Variants in EXOC4 observed in about 807,000 individuals in gnomAD.
EXOC4 encodes exocyst complex component 4, also known as SEC8-like 1.
A neutral mutation model predicts 107.2 loss-of-function variants in EXOC4; 71 were observed. That is an observed-to-expected ratio of 0.66 (90% CI 0.55 to 0.81). The LOEUF (loss-of-function observed/expected upper bound fraction) is 0.81, where lower values mean the gene tolerates loss of function less well. Among genes scored for constraint, EXOC4 ranks in the 30% least tolerant of loss-of-function variants. The pLI, the probability that EXOC4 is intolerant of heterozygous loss-of-function variation, is 0.00. For synonymous variants in EXOC4, 456 were observed against 441.2 expected, an observed-to-expected ratio of 1.03 and a Z score of -0.42; for missense variants, 1,108 against 1,189.6, an observed-to-expected ratio of 0.93 and a Z score of 1.01.
chr7:133,273,932 AT>A (rs1354465404), intron 1 of EXOC4, among the ~76,000 whole-genome samples: 2 of 152,216 alleles, frequency 1.3e-5, no homozygotes, highest in African/African-American at 4.8e-5. Flanking sequence ...ATCTGAGGGA[AT>A]TTAATGAAAC....
rs1466280758 is a variant in EXOC4, at chr7:133,956,706, G to T, written c.2206+18637G>T. On this transcript the variant is annotated intron_variant, in intron 14 of 17. Coordinates refer to ENST00000253861, the MANE Select transcript of EXOC4 (RefSeq NM_021807.4). ...CTGAAGCTAGAATAGCTAAGGCCCA[G>T]ATTCTGAAACTCACATAACAGAACT... 3.3e-5 allele frequency among the ~76,000 whole-genome samples: 5 copies of T among 152,186 alleles called. 1 individual carries two copies. Among genetic ancestry groups the T allele is most frequent in the Non-Finnish European group, 7.3e-5 (5 of 68,036 alleles).
At chr7:133,532,766 A>G (rs770898378) in intron 9 of EXOC4, among the ~76,000 whole-genome samples, 13 of 152,134 alleles carry the variant, frequency 8.5e-5, no homozygotes, top group Non-Finnish European at 1.0e-4. Context: ...CTTATTTAGC[A>G]GCAATAAAGC....
At chr7:133,690,494 C>T (rs1024707669) in intron 10 of EXOC4, among the ~76,000 whole-genome samples, 33 of 152,170 alleles carry the variant, frequency 2.2e-4, no homozygotes, top group African/African-American at 8.0e-4. Context: ...TCCTTGGATA[C>T]AGGATCATTC....
chr7:134,059,992 A>G (rs1352686128), intron 17 of EXOC4, among the ~76,000 whole-genome samples: 1 of 152,202 alleles, frequency 6.6e-6, no homozygotes, highest in Non-Finnish European at 1.5e-5. Flanking sequence ...TGGGGGAGAA[A>G]GAGTCGCAGT....
At chr7:133,557,812 G>A (rs147627508) in intron 9 of EXOC4, among the ~76,000 whole-genome samples, 4,898 of 152,176 alleles carry the variant, frequency 0.032, 255 homozygotes, top group African/African-American at 0.11. Context: ...CCAACATGGC[G>A]AAATCCCATC....
In EXOC4 at chr7:134,064,306, G is replaced by T; in HGVS notation, c.2703G>T (p.Met901Ile). Residue 901 changes from methionine (M) to isoleucine (I), a missense_variant, in exon 18 of 18, where the codon ATG becomes ATT. Physicochemically the swap from Met to Ile is conservative, Grantham distance 10 (BLOSUM62 1). Transcript: ENST00000253861. Reference sequence around the variant, plus strand: ...GCTTTCTCAGGCAGTACTACGAGATGCTTTACAACACAGCTGACGAGCTCC... The same window carrying T: ...GCTTTCTCAGGCAGTACTACGAGATTCTTTACAACACAGCTGACGAGCTCC... ...DLDFARQYYE[M>I]LYNTADELLN... is the part of the protein sequence containing the mutation. The T allele has an allele frequency of 6.8e-7, 1 of 1,469,512 alleles. No homozygotes were observed. Among genetic ancestry groups the T allele is most frequent in the Non-Finnish European group, 9.1e-7 (1 of 1,101,270 alleles). 91.0% of individuals were successfully genotyped at this position (1,469,512 alleles called of 1,614,324 possible).
rs569117433 is a variant in EXOC4 at position 133,984,080 on chromosome 7, A to C, written c.2207-13412A>C. 2.0e-5 allele frequency among the ~76,000 whole-genome samples: 3 copies of C among 152,368 alleles called. No individual in the cohort carries two copies. The South Asian group carries it at 6.2e-4, about 32-fold the overall frequency. On this transcript the variant is annotated intron_variant, in intron 14 of 17. Transcript: ENST00000253861. ...CTATCAATCACAAGGTATAAAAAAC[A>C]TGTGTCTAGGCTGGTTTGCACTGTA...
At chr7:133,932,469 C>A (rs1248689136) in intron 13 of EXOC4, among the ~76,000 whole-genome samples, 1 of 152,182 alleles carries the variant, frequency 6.6e-6, no homozygotes, top group African/African-American at 2.4e-5. Flanking sequence ...AGTAAACCCA[C>A]AGAAAAGTTA....
intron 15 of EXOC4, among the ~76,000 whole-genome samples, chr7:134,000,149 G>A (rs1424881314): frequency 1.3e-5 from 2 of 152,082 alleles, no homozygotes; most frequent in Non-Finnish European, 2.9e-5. Context: ...TTTCTAATGA[G>A]TATGCTCCAT....
At chr7:134,088,785 A>G in the EXOC4 span, among the ~76,000 whole-genome samples, 1 of 152,150 alleles carries the variant, frequency 6.6e-6, no homozygotes, top group Non-Finnish European at 1.5e-5. Context: ...CAAAAACATG[A>G]TTGACAAATT....
At chr7:133,930,254 C>G (rs1232966700) in intron 13 of EXOC4, among the ~76,000 whole-genome samples, 1 of 152,128 alleles carries the variant, frequency 6.6e-6, no homozygotes, top group Non-Finnish European at 1.5e-5. Flanking sequence ...AAACTGCATA[C>G]CTACAGAAGT....
intron 10 of EXOC4, among the ~76,000 whole-genome samples, chr7:133,659,290 G>A (rs1803378979): frequency 6.6e-6 from 1 of 152,064 alleles, no homozygotes; most frequent in Non-Finnish European, 1.5e-5. Context: ...TAGAGTTGCT[G>A]AAGATTATTT....
chr7:133,622,882 T>C (rs1802367883), intron 9 of EXOC4, among the ~76,000 whole-genome samples: 1 of 152,192 alleles, frequency 6.6e-6, no homozygotes, highest in Non-Finnish European at 1.5e-5. Context: ...GTAGGATATA[T>C]AGTTGAAAAA....
intron 7 of EXOC4, among the ~76,000 whole-genome samples, chr7:133,391,433 T>C (rs1796850780): frequency 6.6e-6 from 1 of 152,224 alleles, no homozygotes; most frequent in African/African-American, 2.4e-5. Flanking sequence ...CGAGCTGGGC[T>C]GATCATTACT....
chr7:133,848,910 T>C (rs541190323), intron 11 of EXOC4, among the ~76,000 whole-genome samples: 2 of 152,316 alleles, frequency 1.3e-5, no homozygotes, highest in East Asian at 1.9e-4. Context: ...TACATATTTA[T>C]TGAGTAAAAA....
intron 9 of EXOC4, among the ~76,000 whole-genome samples, chr7:133,540,442 T>C (rs1411797607): frequency 1.3e-5 from 2 of 152,228 alleles, no homozygotes; most frequent in African/African-American, 4.8e-5. Context: ...TACCCCATCA[T>C]AGTTCTTATT....
chr7:133,781,969 G>T, intron 10 of EXOC4, among the ~76,000 whole-genome samples: 1 of 152,042 alleles, frequency 6.6e-6, no homozygotes, highest in East Asian at 1.9e-4. Context: ...TTATTACTTT[G>T]TGGCTTCTAA....
At chr7:133,911,243 T>C (rs2116605080) in intron 12 of EXOC4, among the ~76,000 whole-genome samples, 1 of 152,322 alleles carries the variant, frequency 6.6e-6, no homozygotes, top group East Asian at 1.9e-4. Context: ...TTTTTGGACA[T>C]GTAGCTCTCC....
At chr7:134,073,032 C>T in the EXOC4 span, among the ~76,000 whole-genome samples, 1 of 151,490 alleles carries the variant, frequency 6.6e-6, no homozygotes, top group Non-Finnish European at 1.5e-5. Flanking sequence ...TGGTGAAACC[C>T]CATGTCTACT....
Sources: allele counts gnomAD v4.1 joint callset (sites outside exome capture counted in the v4.1 genomes callset), GRCh38; gene constraint gnomAD v4.1.1; transcripts MANE v1.5; gene names NCBI Gene and HGNC (gene_info 2026-07-23, HGNC 2026-07-21).